PDE1C: variants seen among roughly 807,000 people sequenced by gnomAD.
PDE1C encodes the protein dual specificity calcium/calmodulin-dependent 3',5'-cyclic nucleotide phosphodiesterase 1C.
In PDE1C, 62 loss-of-function variants were observed where a neutral mutation model predicts 93.1. That is an observed-to-expected ratio of 0.67 (90% CI 0.54 to 0.82). PDE1C has a LOEUF of 0.82. Among genes scored for constraint, PDE1C ranks in the 40% least tolerant of loss-of-function variants. The pLI is 0.00. For synonymous variants in PDE1C, 325 were observed against 310.1 expected (o/e 1.05, Z -0.50); for missense variants, 742 against 884.6 (o/e 0.84, Z 2.04).
At chr7:31,835,557 C>A (rs924779975) in intron 11 of PDE1C, among the ~76,000 whole-genome samples, 4 of 142,214 alleles carry the variant, frequency 2.8e-5, no homozygotes, top group Middle Eastern at 3.6e-3. Context: ...TGTGTGTGTG[C>A]GTGCATGTGC....
chr7:32,340,453 C>T (rs1192814351), intron 1 of PDE1C, among the ~76,000 whole-genome samples: 1 of 152,104 alleles, frequency 6.6e-6, no homozygotes, highest in Non-Finnish European at 1.5e-5. Flanking sequence ...GGATGGAGAA[C>T]TGATACCATG....
At chr7:32,365,846 G>A (rs1784220554) in intron 1 of PDE1C, among the ~76,000 whole-genome samples, 1 of 151,796 alleles carries the variant, frequency 6.6e-6, no homozygotes, top group Non-Finnish European at 1.5e-5. Flanking sequence ...GTACTACACA[G>A]AGATTACACG....
chr7:32,151,999 T>C (rs1306552191), intron 3 of PDE1C, among the ~76,000 whole-genome samples: 2 of 152,216 alleles, frequency 1.3e-5, no homozygotes, highest in Non-Finnish European at 2.9e-5. Context: ...AAATGCTACT[T>C]CACTATGCAG....
intron 2 of PDE1C, among the ~76,000 whole-genome samples, chr7:31,912,920 A>G (rs1801430665): frequency 6.6e-6 from 1 of 152,314 alleles, no homozygotes; most frequent in South Asian, 2.1e-4. Flanking sequence ...ATGTTTGCCC[A>G]CATAGTTGAA....
At chr7:31,896,020 T>TACATACAC (rs1466998669) in intron 2 of PDE1C, among the ~76,000 whole-genome samples, 7 of 151,272 alleles carry the variant, frequency 4.6e-5, no homozygotes, top group Middle Eastern at 3.2e-3. Flanking sequence ...CATACATACA[T>TACATACAC]ACACACACAA....
At chr7:32,385,860 A>C (rs1261842647) in intron 1 of PDE1C, among the ~76,000 whole-genome samples, 1 of 152,096 alleles carries the variant, frequency 6.6e-6, no homozygotes, top group Non-Finnish European at 1.5e-5. Context: ...TAATTATAGA[A>C]ATAGAGGCAC....
upstream of PDE1C, chr7:32,299,345 C>G (rs1268152698): frequency 3.0e-6 from 3 of 985,672 alleles, no homozygotes; most frequent in Non-Finnish European, 3.6e-6. Flanking sequence ...AATCGCCACG[C>G]CCACTTCCTT....
At chr7:31,699,808 T>C in the PDE1C span, among the ~76,000 whole-genome samples, 3 of 152,156 alleles carry the variant, frequency 2.0e-5, no homozygotes, top group Non-Finnish European at 4.4e-5. Flanking sequence ...ATCATTATTA[T>C]ATCTTTTATG....
At chr7:32,127,445 G>C (rs540905213) in intron 3 of PDE1C, among the ~76,000 whole-genome samples, 1 of 151,990 alleles carries the variant, frequency 6.6e-6, no homozygotes, top group East Asian at 1.9e-4. Flanking sequence ...AACTCCTGAA[G>C]AAAAGACAGA....
rs565421893 is a variant in PDE1C, at chr7:31,900,257, T to A, written c.129-19397A>T. Among the ~76,000 whole-genome samples the A allele has an allele frequency of 1.9e-3, 287 of 152,310 alleles. 3 individuals are homozygous for A. Among genetic ancestry groups the A allele is most frequent in the African/African-American group, 3.8e-3 (156 of 41,582 alleles). On this transcript the variant is annotated intron_variant, in intron 2 of 17. Coordinates refer to ENST00000396191, the MANE Select transcript of PDE1C (RefSeq NM_001191057.4). ...TTCTCTCTCATCATATCAACCCATTTGTATTAAATGTCTGTTGCATAATTA... is the reference window on the plus strand; with the variant it reads ...TTCTCTCTCATCATATCAACCCATTAGTATTAAATGTCTGTTGCATAATTA...
chr7:32,029,724 TA>T (rs1790026040), intron 2 of PDE1C, among the ~76,000 whole-genome samples: 1 of 152,118 alleles, frequency 6.6e-6, no homozygotes, highest in African/African-American at 2.4e-5. Flanking sequence ...AACCTAGGTT[TA>T]AAAAATTGTG....
chr7:31,621,674 G>T, the PDE1C span, among the ~76,000 whole-genome samples: 2 of 146,676 alleles, frequency 1.4e-5, no homozygotes, highest in African/African-American at 2.6e-5. Flanking sequence ...AAAGACCATC[G>T]AGACTAGCAA....
intron 12 of PDE1C, among the ~76,000 whole-genome samples, chr7:31,827,617 A>G (rs1484329124): frequency 6.6e-6 from 1 of 152,118 alleles, no homozygotes; most frequent in African/African-American, 2.4e-5. Flanking sequence ...AGCACTCAAA[A>G]CACAAGTAGA....
intron 3 of PDE1C, among the ~76,000 whole-genome samples, chr7:32,161,943 G>A (rs1031004221): frequency 6.6e-6 from 1 of 152,132 alleles, no homozygotes; most frequent in African/African-American, 2.4e-5. Context: ...ATTTCTCAAC[G>A]GCCCAAGAAG....
At chr7:32,171,109 C>T (rs543538133) in intron 2 of PDE1C, among the ~76,000 whole-genome samples, 11 of 152,142 alleles carry the variant, frequency 7.2e-5, no homozygotes, top group Admixed American at 2.6e-4. Context: ...CAGATGGCCC[C>T]GTAACATGAC....
At chr7:32,073,555 C>T (rs570396415), upstream of PDE1C, among the ~76,000 whole-genome samples, 1 of 152,314 alleles carries the variant, frequency 6.6e-6, no homozygotes, top group Non-Finnish European at 1.5e-5. Flanking sequence ...TTTACCCCAG[C>T]TCTTAGTGCC....
At chr7:32,315,483 C>T (rs1348881141) in intron 1 of PDE1C, among the ~76,000 whole-genome samples, 2 of 152,122 alleles carry the variant, frequency 1.3e-5, no homozygotes, top group Non-Finnish European at 2.9e-5. Flanking sequence ...TACTTGGTTT[C>T]CCAAAGCCAG....
At position 31,850,983 on chromosome 7, in the gene PDE1C, A is replaced by T; in HGVS notation, c.751-242T>A. ...AGTAGTAGTTTTATCTTTTTCAAGA[A>T]ATCAAAGAGAATGAACATGAAGACT... On this transcript the variant is annotated intron_variant, in intron 7 of 17. Coordinates refer to ENST00000396191, the MANE Select transcript of PDE1C (RefSeq NM_001191057.4). 7.1e-6 allele frequency: 3 copies of T among 420,874 alleles called. No homozygotes were observed. The South Asian group carries it at 7.6e-5, about 11-fold the overall frequency. The allele number at this position is 420,874 out of a possible 1,614,324, so 26.1% of individuals were successfully genotyped here.
At chr7:32,134,530 T>C (rs1362555340) in intron 3 of PDE1C, among the ~76,000 whole-genome samples, 1 of 151,776 alleles carries the variant, frequency 6.6e-6, no homozygotes, top group African/African-American at 2.4e-5. Context: ...AAAAAATATA[T>C]AGAAGAATGG....
Sources: gnomAD v4.1 joint callset for allele counts (sites outside exome capture counted in the v4.1 genomes callset) on GRCh38, gnomAD v4.1.1 for gene constraint, MANE v1.5 for transcripts, NCBI Gene and HGNC (gene_info 2026-07-23, HGNC 2026-07-21) for gene names.